PLCB1: variants seen among roughly 807,000 people sequenced by gnomAD.
PLCB1 encodes the protein phospholipase C beta 1.
In PLCB1, 46 loss-of-function variants were observed where a neutral mutation model predicts 161.8. That is an observed-to-expected ratio of 0.28 (90% CI 0.22 to 0.36). PLCB1 has a LOEUF of 0.36. PLCB1 is among the 10% of genes least tolerant of loss of function. PLCB1 has a pLI of 1.00. For synonymous variants in PLCB1, 517 were observed against 503.7 expected (o/e 1.03, Z -0.35); for missense variants, 1,016 against 1,472.5 (o/e 0.69, Z 5.07).
intron 3 of PLCB1, among the ~76,000 whole-genome samples, chr20:8,499,665 G>A (rs542183081): frequency 6.6e-6 from 1 of 152,202 alleles, no homozygotes; most frequent in African/African-American, 2.4e-5. Flanking sequence ...TAGCTCAAAG[G>A]ATATACTCAA....
intron 3 of PLCB1, among the ~76,000 whole-genome samples, chr20:8,465,959 C>G (rs1232724): frequency 4.7e-5 from 7 of 149,162 alleles, no homozygotes; most frequent in Non-Finnish European, 7.4e-5. Context: ...TTTGACCCAG[C>G]CATCCCATTA....
At chr20:8,583,143 A>G (rs1256938365) in intron 3 of PLCB1, among the ~76,000 whole-genome samples, 2 of 152,218 alleles carry the variant, frequency 1.3e-5, no homozygotes, top group African/African-American at 4.8e-5. Context: ...ATGCATATAG[A>G]GCAGTCAAAT....
At chr20:8,592,927 G>T (rs943198151) in intron 3 of PLCB1, among the ~76,000 whole-genome samples, 26 of 152,136 alleles carry the variant, frequency 1.7e-4, no homozygotes, top group Admixed American at 1.6e-3. Context: ...CCCCTGAGCA[G>T]CTCATGAGAT....
At chr20:8,664,673 A>AAAAGTCAAGGTGTT (rs1386525355) in intron 9 of PLCB1, among the ~76,000 whole-genome samples, 1 of 152,178 alleles carries the variant, frequency 6.6e-6, no homozygotes, top group Middle Eastern at 3.2e-3. Flanking sequence ...CATATAAGCA[A>AAAAGTCAAGGTGTT]AAAGTCAAGG....
intron 3 of PLCB1, among the ~76,000 whole-genome samples, chr20:8,518,673 G>T (rs1397585049): frequency 6.6e-6 from 1 of 152,068 alleles, no homozygotes; most frequent in East Asian, 1.9e-4. Context: ...ATTTTTCCAT[G>T]GACCAGGGCA....
In PLCB1 at chr20:8,132,849, A is replaced by G; in HGVS notation, c.99+99A>G. ...AAGGGGCGCGTTATGCAATGGGCGC[A>G]CTGGGAGCGGGCAGGGGCAGCCTCG... On this transcript the variant is annotated intron_variant, in intron 1 of 31. Transcript: ENST00000338037. The surrounding 1 kb of genome is among the most constrained non-coding windows in gnomAD (Gnocchi z 5.2). 1 of 810,866 alleles carries G rather than the reference A, an allele frequency of 1.2e-6. No homozygotes were observed. The allele number at this position is 810,866 out of a possible 1,614,324, so 50.2% of individuals were successfully genotyped here. A position where few individuals can be genotyped will look rare whatever the true frequency, so the allele number is the denominator to read the frequency against.
chr20:8,839,618 G>T (rs1003033855), intron 31 of PLCB1, among the ~76,000 whole-genome samples: 4 of 151,904 alleles, frequency 2.6e-5, no homozygotes, highest in African/African-American at 7.3e-5. Flanking sequence ...CTCAAAGCAG[G>T]TAAGTGACTG....
intron 2 of PLCB1, among the ~76,000 whole-genome samples, chr20:8,360,667 C>A (rs952430250): frequency 2.0e-5 from 3 of 152,172 alleles, no homozygotes; most frequent in Non-Finnish European, 4.4e-5. Context: ...CTCCTACCCC[C>A]ACAAATTAGC....
chr20:8,773,334 ACT>A (rs1487420704), intron 26 of PLCB1, among the ~76,000 whole-genome samples: 1 of 151,972 alleles, frequency 6.6e-6, no homozygotes, highest in Non-Finnish European at 1.5e-5. Flanking sequence ...GAGCATACCT[ACT>A]CTTTGTACCC....
At chr20:8,733,504 T>G (rs1980381529) in intron 19 of PLCB1, 112 bp downstream of exon 19, 7 of 933,130 alleles carry the variant, frequency 7.5e-6, no homozygotes, top group Non-Finnish European at 1.1e-5. Context: ...AGATTCTACT[T>G]TCTTCCTACA....
chr20:8,643,776 T>TCTCCCTCTCCC (rs1384003557), intron 4 of PLCB1, among the ~76,000 whole-genome samples: 1 of 64,586 alleles, frequency 1.5e-5, no homozygotes, highest in East Asian at 2.9e-4. Context: ...TCCCTCTCCC[T>TCTCCCTCTCCC]CTTTCTCCCT....
At chr20:8,435,190 AT>A (rs1367576877) in intron 3 of PLCB1, among the ~76,000 whole-genome samples, 1 of 152,126 alleles carries the variant, frequency 6.6e-6, no homozygotes, top group African/African-American at 2.4e-5. Context: ...TAGATACACT[AT>A]AAGCATTAAG....
intron 31 of PLCB1, among the ~76,000 whole-genome samples, chr20:8,811,436 G>T (rs1355798265): frequency 6.6e-6 from 1 of 152,166 alleles, no homozygotes; most frequent in African/African-American, 2.4e-5. Context: ...AAATGAAAGA[G>T]TTGCTTCTAT....
At chr20:8,845,125 T>TA (rs113867297) in intron 31 of PLCB1, among the ~76,000 whole-genome samples, 1 of 151,092 alleles carries the variant, frequency 6.6e-6, no homozygotes, top group African/African-American at 2.4e-5. Context: ...AAAAAATAAA[T>TA]AAATAAAATA....
At chr20:8,822,520 C>T (rs1985483167) in intron 31 of PLCB1, among the ~76,000 whole-genome samples, 1 of 152,074 alleles carries the variant, frequency 6.6e-6, no homozygotes, top group Admixed American at 6.5e-5. Context: ...TTCAATAATT[C>T]TATAGTGATA....
At chr20:8,140,955 C>T (rs185892317) in intron 1 of PLCB1, among the ~76,000 whole-genome samples, 2 of 151,996 alleles carry the variant, frequency 1.3e-5, no homozygotes, top group Non-Finnish European at 2.9e-5. Context: ...TGTGCCACCA[C>T]GCACAGCTAA....
chr20:8,646,156 T>A lies in PLCB1; in HGVS notation c.439T>A (p.Ser147Thr). Residue 147 changes from serine (S) to threonine (T), a missense_variant, in exon 5 of 32, where the codon TCC becomes ACC. This residue lies in a region of PLCB1 where 181 missense variants were observed against 236.7 expected (regional missense o/e 0.76). Coordinates refer to ENST00000338037, the MANE Select transcript of PLCB1 (RefSeq NM_015192.4). ...AACAAACCTGCTGGCCCAAAACATG[T>A]CCAGGGATGCATTTCTGGAAAAAGC... ...LATNLLAQNMSRDAFLEKAYT... is the reference protein window; with the variant it reads ...LATNLLAQNMTRDAFLEKAYT... 6.2e-7 allele frequency: 1 copy of A among 1,613,092 alleles called. No homozygotes were observed. Among genetic ancestry groups the A allele is most frequent in the East Asian group, 2.2e-5 (1 of 44,870 alleles).
At chr20:8,675,592 A>AT (rs1990054663) in intron 9 of PLCB1, among the ~76,000 whole-genome samples, 1 of 152,234 alleles carries the variant, frequency 6.6e-6, no homozygotes, top group African/African-American at 2.4e-5. Context: ...TTTTAAACTT[A>AT]ATCAACAAAA....
chr20:8,749,129 A>G (rs1452463134), intron 23 of PLCB1, among the ~76,000 whole-genome samples: 2 of 152,218 alleles, frequency 1.3e-5, no homozygotes, highest in Non-Finnish European at 2.9e-5. Context: ...AGCATGTACC[A>G]GAATCACCCA....
Sources: allele counts gnomAD v4.1 joint callset (sites outside exome capture counted in the v4.1 genomes callset), GRCh38; gene constraint gnomAD v4.1.1; regional missense constraint gnomAD v4.1.1; non-coding constraint Gnocchi (gnomAD v3.1); transcripts MANE v1.5; gene names NCBI Gene and HGNC (gene_info 2026-07-23, HGNC 2026-07-21).